Variants in IFNGR1 observed in about 807,000 individuals in gnomAD.
The protein encoded by IFNGR1 is AVP, type 2.
Under a neutral mutation model 35.4 loss-of-function variants are expected in IFNGR1, and 23 were observed. That is an observed-to-expected ratio of 0.65 (90% CI 0.47 to 0.92). The LOEUF (loss-of-function observed/expected upper bound fraction) is 0.92, where lower values mean the gene tolerates loss of function less well. Ranked by LOEUF, IFNGR1 falls within the 40% of genes least tolerant of loss-of-function variation. The pLI, the probability that IFNGR1 is intolerant of heterozygous loss-of-function variation, is 0.00. For synonymous variants in IFNGR1, 199 were observed against 209.5 expected (o/e 0.95, Z 0.43); for missense variants, 533 against 583.4 (o/e 0.91, Z 0.89).
intron 1 of IFNGR1, among the ~76,000 whole-genome samples, chr6:137,216,232 T>C (rs1426257067): frequency 1.3e-5 from 2 of 152,208 alleles, no homozygotes; most frequent in African/African-American, 2.4e-5. Flanking sequence ...GTAGGAAGCA[T>C]AGCTGATAAA....
chr6:137,217,137 C>T (rs1472165031), intron 1 of IFNGR1, among the ~76,000 whole-genome samples: 1 of 152,210 alleles, frequency 6.6e-6, no homozygotes, highest in African/African-American at 2.4e-5. Flanking sequence ...ACTAACTCTT[C>T]CTTCTAAATG....
chr6:137,203,558 C>A lies in IFNGR1; in HGVS notation c.674G>T (p.Gly225Val), dbSNP rs374675376. 4 of 1,613,314 alleles carry A rather than the reference C, an allele frequency of 2.5e-6. No individual in the cohort carries two copies. Among genetic ancestry groups the A allele is most frequent in the Non-Finnish European group, 3.4e-6 (4 of 1,179,474 alleles). Residue 225 changes from glycine (G) to valine (V), a missense_variant, in exon 5 of 7, where the codon GGT becomes GTT. By Grantham distance (109) the Gly-to-Val change is moderately radical. Transcript: ENST00000367739. ...TTCTTTTGACTTTTCAGTTGTAACA[C>A]CCCACACATGTAAGACTCCTTCTGC... is the stretch of plus-strand genomic sequence containing the variant. ...VSAEGVLHVW[G>V]VTTEKSKEVC... is the part of the protein sequence containing the mutation.
At chr6:137,215,707 CACAA>C (rs1411616855) in intron 1 of IFNGR1, among the ~76,000 whole-genome samples, 13 of 152,128 alleles carry the variant, frequency 8.5e-5, no homozygotes, top group Middle Eastern at 3.4e-3. Context: ...CACACACACA[CACAA>C]ACACACACAC....
At chr6:137,206,816 A>G (rs936181503) in intron 2 of IFNGR1, 147 bp downstream of exon 2, 1 of 639,424 alleles carries the variant, frequency 1.6e-6, no homozygotes, top group Non-Finnish European at 2.7e-6. Flanking sequence ...TTGGCAAAGA[A>G]TTTGCATCTT....
intron 6 of IFNGR1, 121 bp downstream of exon 6, chr6:137,200,760 C>G: frequency 1.2e-6 from 1 of 831,464 alleles, no homozygotes; most frequent in Non-Finnish European, 1.9e-6. Flanking sequence ...GGTAGACTGA[C>G]TGATTGATGG....
rs925429574 is a variant in IFNGR1 at position 137,219,373 on chromosome 6, C to G, written c.-46G>C. On this transcript the variant is annotated 5_prime_UTR_variant, in exon 1 of 7. Coordinates refer to ENST00000367739, the MANE Select transcript of IFNGR1 (RefSeq NM_000416.3). ...GCTCCAACCCCGAGCGCCTGCGGGA[C>G]CAGCCCAGCACTGCCCTCCAGCCCC... The G allele has an allele frequency of 6.4e-7, 1 of 1,571,148 alleles. No individual in the cohort carries two copies. The highest frequency in any genetic ancestry group is 8.6e-7 in the Non-Finnish European group (1 of 1,158,244).
intron 1 of IFNGR1, among the ~76,000 whole-genome samples, chr6:137,211,120 G>A (rs371028191): frequency 1.7e-4 from 26 of 152,194 alleles, no homozygotes; most frequent in Admixed American, 1.6e-3. Flanking sequence ...AGAAGTGTGT[G>A]GGGGAGGTAC....
At chr6:137,216,499 C>T (rs1216910953) in intron 1 of IFNGR1, among the ~76,000 whole-genome samples, 2 of 152,168 alleles carry the variant, frequency 1.3e-5, no homozygotes, top group Non-Finnish European at 2.9e-5. Flanking sequence ...CATTCCTAAA[C>T]ACCTGGATTT....
intron 1 of IFNGR1, among the ~76,000 whole-genome samples, chr6:137,209,026 T>C (rs1002725435): frequency 3.9e-5 from 6 of 152,240 alleles, no homozygotes; most frequent in Non-Finnish European, 5.9e-5. Flanking sequence ...ATGTGAGACC[T>C]GGAGTCAAAG....
chr6:137,208,085 G>A (rs1654369769), intron 1 of IFNGR1, among the ~76,000 whole-genome samples: 1 of 152,216 alleles, frequency 6.6e-6, no homozygotes, highest in Admixed American at 6.5e-5. Context: ...TTTTAGCAAA[G>A]AGACTGGCGG....
At chr6:137,213,365 G>T (rs905031606) in intron 1 of IFNGR1, among the ~76,000 whole-genome samples, 1 of 152,174 alleles carries the variant, frequency 6.6e-6, no homozygotes, top group African/African-American at 2.4e-5. Context: ...ATTATTTAGT[G>T]TATTACATCT....
At chr6:137,213,386 C>T (rs893701781) in intron 1 of IFNGR1, among the ~76,000 whole-genome samples, 4 of 152,108 alleles carry the variant, frequency 2.6e-5, no homozygotes, top group South Asian at 2.1e-4. Context: ...GCATACTATC[C>T]GGAGTAAACT....
In IFNGR1 at chr6:137,198,626, C is replaced by T. The variant is rs1235630991; in HGVS notation, c.875G>A (p.Arg292Lys). The part of the protein sequence containing the change: ...ILPKSLISVV[R>K]SATLETKPES... ...AGGTTTTGTCTCTAAAGTAGCACTT[C>T]TTACCACAGAGATCTATGGGGAGAA... The change falls in exon 7 of 7, where the codon AGA becomes AAA. Residue 292 changes from arginine to lysine, a missense_variant. By Grantham distance (26) the Arg-to-Lys change is conservative (BLOSUM62 2). Coordinates refer to ENST00000367739, the MANE Select transcript of IFNGR1 (RefSeq NM_000416.3). 1.2e-6 allele frequency: 2 copies of T among 1,611,414 alleles called. No individual in the cohort carries two copies. Among genetic ancestry groups the T allele is most frequent in the South Asian group, 2.2e-5 (2 of 91,040 alleles).
At chr6:137,211,205 A>C (rs896533856) in intron 1 of IFNGR1, among the ~76,000 whole-genome samples, 1 of 152,168 alleles carries the variant, frequency 6.6e-6, no homozygotes, top group Non-Finnish European at 1.5e-5. Context: ...TCCACAACAA[A>C]AAATAATATA....
At chr6:137,207,917 A>C (rs1779480655) in intron 1 of IFNGR1, among the ~76,000 whole-genome samples, 1 of 152,188 alleles carries the variant, frequency 6.6e-6, no homozygotes, top group Non-Finnish European at 1.5e-5. Context: ...GAGGGCTCAG[A>C]AGAAATAGGA....
chr6:137,212,904 G>T (rs1779609301), intron 1 of IFNGR1, among the ~76,000 whole-genome samples: 1 of 152,182 alleles, frequency 6.6e-6, no homozygotes, highest in South Asian at 2.1e-4. Context: ...ATAGCAAAAA[G>T]AAATTACTAC....
In IFNGR1 at chr6:137,219,274, C is replaced by A; in HGVS notation, c.54G>T (p.Glu18Asp). ...PLVMQGVSRA[E>D]MGTADLGPSS... ...ACGGCCCCAGATCCGCGGTGCCCAT[C>A]TCAGCCCTGCTCACACCCTGCATGA... The change falls in exon 1 of 7, where the codon GAG becomes GAT. Residue 18 changes from glutamate to aspartate, a missense_variant. By Grantham distance (45) the Glu-to-Asp change is conservative. Coordinates refer to ENST00000367739, the MANE Select transcript of IFNGR1 (RefSeq NM_000416.3). 1 of 1,611,932 alleles carries A rather than the reference C, an allele frequency of 6.2e-7. No homozygotes were observed. The highest frequency in any genetic ancestry group is 8.5e-7 in the Non-Finnish European group (1 of 1,179,266).
At position 137,198,478 on chromosome 6, in the gene IFNGR1, T is replaced by G; in HGVS notation, c.1023A>C (p.Gly341=). 6.2e-7 allele frequency: 1 copy of G among 1,614,180 alleles called. No homozygotes were observed. The highest frequency in any genetic ancestry group is 8.5e-7 in the Non-Finnish European group (1 of 1,180,024). The change falls in exon 7 of 7, where the codon GGA becomes GGC. Residue 341 remains glycine (G), a synonymous_variant. Transcript: ENST00000367739. ...VPGMHTEDNP[G]KVEHTEELSS... is the part of the protein sequence containing the mutation. ...AAAGTTCTTCTGTATGTTCCACTTT[T>G]CCTGGATTGTCTTCGGTATGCATGC...
chr6:137,198,438 C>T lies in IFNGR1; in HGVS notation c.1063G>A (p.Val355Met), dbSNP rs1215894296. 6.2e-7 allele frequency: 1 copy of T among 1,614,168 alleles called. No individual in the cohort carries two copies. The highest frequency in any genetic ancestry group is 1.7e-5 in the Admixed American group (1 of 60,008). Reference protein sequence around the residue: ...HTEELSSITEVVTTEENIPDV... With the variant: ...HTEELSSITEMVTTEENIPDV... The stretch of plus-strand genomic sequence containing the variant: ...GGAATATTTTCTTCAGTAGTCACCA[C>T]TTCTGTTATACTAGAAAGTTCTTCT... Residue 355 changes from valine to methionine, a missense_variant, in exon 7 of 7, where the codon GTG (valine) becomes ATG (methionine). Transcript: ENST00000367739.
Sources: gnomAD v4.1 joint callset for allele counts (sites outside exome capture counted in the v4.1 genomes callset) on GRCh38, gnomAD v4.1.1 for gene constraint, MANE v1.5 for transcripts, NCBI Gene and HGNC (gene_info 2026-07-23, HGNC 2026-07-21) for gene names.